Variants in CROCC2 observed in about 807,000 individuals in gnomAD.
CROCC2 encodes the protein ciliary rootlet coiled-coil protein 2.
A neutral mutation model predicts 177.6 loss-of-function variants in CROCC2; 163 were observed. The ratio of observed to expected loss-of-function variants is 0.92; its 90% CI spans 0.81 to 1.05. The LOEUF (loss-of-function observed/expected upper bound fraction) is 1.05. Among genes scored for constraint, CROCC2 ranks in the 50% least tolerant of loss-of-function variants. The pLI is 0.00. For missense variants in CROCC2, 1,929 were observed against 1,797.8 expected, an observed-to-expected ratio of 1.07 and a Z score of -1.32; for synonymous variants, 904 against 787.3, an observed-to-expected ratio of 1.15 and a Z score of -2.48.
At chr2:240,906,889 G>A (rs1001616222) in intron 1 of CROCC2, among the ~76,000 whole-genome samples, 4 of 150,822 alleles carry the variant, frequency 2.7e-5, no homozygotes, top group African/African-American at 7.3e-5. Flanking sequence ...ACAGGTTTGC[G>A]GGGTGGAGAG....
intron 17 of CROCC2, among the ~76,000 whole-genome samples, chr2:240,950,083 A>G (rs2059544530): frequency 6.6e-6 from 1 of 152,194 alleles, no homozygotes; most frequent in Admixed American, 6.5e-5. Context: ...TGGCAGGTGC[A>G]CTGCAGAGAC....
Position 240,919,262 on chromosome 2 carries a change from C to T in CROCC2, c.229+386C>T, listed in dbSNP as rs76182295. 8.5e-4 allele frequency among the ~76,000 whole-genome samples: 130 copies of T among 152,250 alleles called. No individual in the cohort carries two copies. In the East Asian group the frequency reaches 0.011, roughly 13 times the overall value. On this transcript the variant is annotated intron_variant, in intron 2 of 31. Transcript: ENST00000690015. ...GCATCATATCGATACCCACAGGGCA[C>T]TCAGCAGGGCCTGAGCAGGGCTGCC... is the stretch of plus-strand genomic sequence containing the variant.
chr2:240,926,391 G>T (rs544741796), intron 5 of CROCC2, among the ~76,000 whole-genome samples: 1 of 152,082 alleles, frequency 6.6e-6, no homozygotes, highest in South Asian at 2.1e-4. Flanking sequence ...AGACATCCAG[G>T]TGTTCATGCC....
In CROCC2 at chr2:240,935,459, G is replaced by C; in HGVS notation, c.2040G>C (p.Ala680=). 2.2e-6 allele frequency: 3 copies of C among 1,369,288 alleles called. No homozygotes were observed. Among genetic ancestry groups the C allele is most frequent in the Non-Finnish European group, 2.8e-6 (3 of 1,056,830 alleles). 84.8% of individuals were successfully genotyped at this position (1,369,288 alleles called of 1,614,324 possible). The change falls in exon 14 of 32, where the codon GCG becomes GCC. Residue 680 remains alanine, a synonymous_variant. Coordinates refer to ENST00000690015, the MANE Select transcript of CROCC2 (RefSeq NM_001351305.2). The stretch of plus-strand genomic sequence containing the variant: ...TGGCACAGGCGGAGCAGCAGCTGGC[G>C]CTGGAGCGGGCAGAGCGCAGGGGCC... The part of the protein sequence containing the change: ...EQLAQAEQQL[A]LERAERRGLQ...
chr2:240,968,137 C>T lies in CROCC2; in HGVS notation c.4276C>T (p.Arg1426Trp), dbSNP rs1042655893. The T allele has an allele frequency of 1.0e-5, 15 of 1,486,040 alleles. No individual in the cohort carries two copies. The highest frequency in any genetic ancestry group is 4.6e-5 in the Admixed American group (2 of 43,586). 92.1% of individuals were successfully genotyped at this position (1,486,040 alleles called of 1,614,324 possible). A position where few individuals can be genotyped will look rare whatever the true frequency, so the allele number is the denominator to read the frequency against. Residue 1426 changes from arginine (R) to tryptophan (W), a missense_variant, in exon 27 of 32, where the codon CGG becomes TGG. Physicochemically the swap from Arg to Trp is moderately radical, Grantham distance 101. Transcript: ENST00000690015. ...ALAEAEEGQR[R>W]VEGALSSARA... ...CCCTGCTTGCCCCACAGGCCAGCGC[C>T]GGGTGGAGGGCGCGCTGAGCAGCGC...
rs772810759 is a variant in CROCC2, at chr2:240,963,729, C to A, written c.3261C>A (p.Ser1087Arg). Residue 1087 changes from serine to arginine, a missense_variant, in exon 21 of 32, where the codon AGC (serine) becomes AGA (arginine). By Grantham distance (110) the Ser-to-Arg change is moderately radical (BLOSUM62 -1). This residue lies in a region of CROCC2 where 1,397 missense variants were observed against 1,239.9 expected (regional missense o/e 1.13). Transcript: ENST00000690015. ...AGGACGTACTGTTGCTTTTCAACAG[C>A]GAGCTGCGGGCCACCATCTGCAGGG... ...REKDVLLLFNSELRATICRAE... is the reference protein window; with the variant it reads ...REKDVLLLFNRELRATICRAE... 1 of 1,550,158 alleles carries A rather than the reference C, an allele frequency of 6.5e-7. No individual in the cohort carries two copies. Among genetic ancestry groups the A allele is most frequent in the Non-Finnish European group, 8.7e-7 (1 of 1,146,792 alleles).
chr2:240,910,030 G>A (rs935734134), intron 1 of CROCC2, among the ~76,000 whole-genome samples: 13 of 151,998 alleles, frequency 8.6e-5, no homozygotes, highest in African/African-American at 2.4e-4. Context: ...CTCTTCCTCC[G>A]GCCACAGCTG....
rs2059725217 is a variant in CROCC2, at chr2:240,972,124, T to G, written c.4401+3862T>G. On this transcript the variant is annotated intron_variant, in intron 27 of 31. Coordinates refer to ENST00000690015, the MANE Select transcript of CROCC2 (RefSeq NM_001351305.2). This position sits in a 1 kb window ranked among gnomAD's most constrained non-coding sequence, Gnocchi z 7.1. ...CCCCAGTGGATACTAGTTTTGTGAT[T>G]TTTTTCCTTTGCGTGTCTTTAAAGA... Among the ~76,000 whole-genome samples, 1 of 152,174 alleles carries G rather than the reference T, an allele frequency of 6.6e-6. No homozygotes were observed. The highest frequency in any genetic ancestry group is 1.5e-5 in the Non-Finnish European group (1 of 68,024).
At chr2:240,976,489 T>G (rs76077542) in intron 27 of CROCC2, among the ~76,000 whole-genome samples, 161 of 61,052 alleles carry the variant, frequency 2.6e-3, no homozygotes, top group Middle Eastern at 0.012. Context: ...AGCCTCAGGA[T>G]CCCAGGCTCA....
At chr2:240,909,854 C>T (rs1161540123) in intron 1 of CROCC2, among the ~76,000 whole-genome samples, 1 of 152,162 alleles carries the variant, frequency 6.6e-6, no homozygotes, top group African/African-American at 2.4e-5. Flanking sequence ...TCCAGATGGG[C>T]AGCAGAACCG....
intron 4 of CROCC2, among the ~76,000 whole-genome samples, chr2:240,923,151 C>T (rs564649769): frequency 2.0e-5 from 3 of 152,178 alleles, no homozygotes; most frequent in East Asian, 3.9e-4. Context: ...AGCCTCTCCA[C>T]GCTCTGCCAT....
At chr2:240,988,235 C>T (rs1289461948) in intron 28 of CROCC2, among the ~76,000 whole-genome samples, 1 of 152,054 alleles carries the variant, frequency 6.6e-6, no homozygotes, top group Admixed American at 6.6e-5. Context: ...GGAGGACAGA[C>T]GGTGGGGATA....
rs998124607 is a variant in CROCC2 at position 240,935,467 on chromosome 2, G to A, written c.2048G>A (p.Arg683Gln). 40 of 1,369,320 alleles carry A rather than the reference G, an allele frequency of 2.9e-5. No homozygotes were observed. Among genetic ancestry groups the A allele is most frequent in the East Asian group, 1.2e-4 (4 of 34,412 alleles). 84.8% of individuals were successfully genotyped at this position (1,369,320 alleles called of 1,614,324 possible). A position where few individuals can be genotyped will look rare whatever the true frequency, so the allele number is the denominator to read the frequency against. The change falls in exon 14 of 32, where the codon CGG becomes CAG. Residue 683 changes from arginine to glutamine, a missense_variant. Arg to Gln is a conservative substitution (Grantham distance 43). This residue lies in a region of CROCC2 where 1,397 missense variants were observed against 1,239.9 expected (regional missense o/e 1.13). Coordinates refer to ENST00000690015, the MANE Select transcript of CROCC2 (RefSeq NM_001351305.2). ...AQAEQQLALERAERRGLQQAC... is the reference protein window; with the variant it reads ...AQAEQQLALEQAERRGLQQAC... ...GCGGAGCAGCAGCTGGCGCTGGAGC[G>A]GGCAGAGCGCAGGGGCCTGCAGCAG...
rs564737219 is a variant in CROCC2, at chr2:240,986,266, G to A, written c.4552-2473G>A. On this transcript the variant is annotated intron_variant, in intron 28 of 31. Coordinates refer to ENST00000690015, the MANE Select transcript of CROCC2 (RefSeq NM_001351305.2). ...GGTGGCCTGAGGCCAGAGTCCCCGC[G>A]GAAGCTGTGCCCACCTCCCTCTGGA... 3.4e-3 allele frequency among the ~76,000 whole-genome samples: 521 copies of A among 152,296 alleles called. 5 individuals are homozygous for A. The highest frequency in any genetic ancestry group is 0.012 in the African/African-American group (482 of 41,560).
At position 240,925,884 on chromosome 2, in the gene CROCC2, C is replaced by G. The variant is rs1272428494; in HGVS notation, c.645+4C>G. ...GAGGCGCTGGGCCCAGAGACAGGTG[C>G]TCCCCCAACCCTTGCTCACCTCATG... On this transcript the variant is annotated splice_donor_region_variant and intron_variant, in intron 5 of 31. Transcript: ENST00000690015. The G allele has an allele frequency of 7.1e-6, 5 of 709,156 alleles. No homozygotes were observed. Among genetic ancestry groups the G allele is most frequent in the Non-Finnish European group, 1.0e-5 (4 of 381,626 alleles). The allele number at this position is 709,156 out of a possible 1,614,324, so 43.9% of individuals were successfully genotyped here.
intron 24 of CROCC2, 39 bp from the exon 25 acceptor site, chr2:240,966,186 T>C (rs2059682836): frequency 1.7e-6 from 2 of 1,173,468 alleles, no homozygotes; most frequent in Non-Finnish European, 2.1e-6. Context: ...TCTGTCACTG[T>C]GTTCCTGTCC....
intron 5 of CROCC2, among the ~76,000 whole-genome samples, chr2:240,926,423 C>T (rs927909007): frequency 1.3e-5 from 2 of 152,102 alleles, no homozygotes; most frequent in South Asian, 2.1e-4. Context: ...TCTCCATGGT[C>T]GTGGGACCCC....
In CROCC2 at chr2:240,958,127, A is replaced by G; in HGVS notation, c.2944-1174A>G. 2.0e-6 allele frequency: 2 copies of G among 985,402 alleles called. No individual in the cohort carries two copies. The highest frequency in any genetic ancestry group is 2.4e-6 in the Non-Finnish European group (2 of 829,920). 61.0% of individuals were successfully genotyped at this position (985,402 alleles called of 1,614,324 possible). Reference sequence around the variant, plus strand: ...GAAAATGGAAATTAAAACTGTTGAGAGGAGCGGGAGGAGAGGAATGCCGGC... The same window carrying G: ...GAAAATGGAAATTAAAACTGTTGAGGGGAGCGGGAGGAGAGGAATGCCGGC... On this transcript the variant is annotated intron_variant, in intron 19 of 31. Coordinates refer to ENST00000690015, the MANE Select transcript of CROCC2 (RefSeq NM_001351305.2). The surrounding 1 kb of genome is among the most constrained non-coding windows in gnomAD (Gnocchi z 6.7).
chr2:240,957,171 C>T (rs1466056694), intron 19 of CROCC2, among the ~76,000 whole-genome samples: 1 of 152,160 alleles, frequency 6.6e-6, no homozygotes, highest in Non-Finnish European at 1.5e-5. Context: ...GATCGCCAAC[C>T]CCCAGCTCTC....
Sources: gnomAD v4.1 joint callset for allele counts (sites outside exome capture counted in the v4.1 genomes callset) on GRCh38, gnomAD v4.1.1 for gene constraint, gnomAD v4.1.1 regional missense constraint, Gnocchi (gnomAD v3.1) non-coding constraint, MANE v1.5 for transcripts, NCBI Gene and HGNC (gene_info 2026-07-23, HGNC 2026-07-21) for gene names.